MRTFB: variants seen among roughly 807,000 people sequenced by gnomAD.
The protein encoded by MRTFB is myocardin-related transcription factor B.
In MRTFB, 29 loss-of-function variants were observed where a neutral mutation model predicts 104.2. That is an observed-to-expected ratio of 0.28 (90% confidence interval 0.21 to 0.38). The LOEUF is 0.38. MRTFB is among the 10% of genes least tolerant of loss of function. MRTFB has a pLI of 1.00. For missense variants in MRTFB, 1,270 were observed against 1,341.6 expected, an observed-to-expected ratio of 0.95 and a Z score of 0.83; for synonymous variants, 535 against 519.5, an observed-to-expected ratio of 1.03 and a Z score of -0.41.
intron 3 of MRTFB, among the ~76,000 whole-genome samples, chr16:14,174,195 T>G (rs2039509395): frequency 6.6e-6 from 1 of 152,170 alleles, no homozygotes. Context: ...TATTTTGGCC[T>G]TATATATCCT....
At chr16:14,127,913 ATATATATATATATATATTTTTTTTTTTTT>A (rs199523637) in intron 2 of MRTFB, among the ~76,000 whole-genome samples, 977 of 45,530 alleles carry the variant, frequency 0.021, 25 homozygotes, top group East Asian at 0.12. Context: ...ATATATATAT[ATATATATATATATATATTTTTTTTTTTTT>A]TTTTTTTTTC....
chr16:14,216,132 C>T (rs1218076492), intron 6 of MRTFB, among the ~76,000 whole-genome samples: 2 of 152,220 alleles, frequency 1.3e-5, no homozygotes, highest in Non-Finnish European at 2.9e-5. Context: ...TACAGCTCAG[C>T]TGGTGGATAG....
chr16:14,096,492 G>T (rs1193949572), intron 2 of MRTFB, among the ~76,000 whole-genome samples: 2 of 152,174 alleles, frequency 1.3e-5, no homozygotes, highest in Non-Finnish European at 2.9e-5. Context: ...GAGTTCATTG[G>T]ATTCTTTTAG....
At chr16:14,154,229 C>T (rs570478828) in intron 3 of MRTFB, among the ~76,000 whole-genome samples, 6 of 152,158 alleles carry the variant, frequency 3.9e-5, no homozygotes, top group East Asian at 1.9e-4. Flanking sequence ...CTGCTACTTG[C>T]GGGGCTGAGG....
the MRTFB span, among the ~76,000 whole-genome samples, chr16:13,997,854 G>A: frequency 6.7e-6 from 1 of 150,114 alleles, no homozygotes; most frequent in Non-Finnish European, 1.5e-5. Flanking sequence ...GAGTACCTAC[G>A]TTGTGCTAGA....
At chr16:14,154,193 A>G (rs1483289868) in intron 3 of MRTFB, among the ~76,000 whole-genome samples, 2 of 152,086 alleles carry the variant, frequency 1.3e-5, no homozygotes, top group Admixed American at 1.3e-4. Context: ...AAATTAGCCA[A>G]GCATGATGAC....
At chr16:14,018,294 A>T in the MRTFB span, among the ~76,000 whole-genome samples, 1 of 152,160 alleles carries the variant, frequency 6.6e-6, no homozygotes, top group Non-Finnish European at 1.5e-5. Context: ...CCCAATTAGA[A>T]AAAAGGGAAT....
At chr16:14,018,556 A>G in the MRTFB span, among the ~76,000 whole-genome samples, 3 of 152,214 alleles carry the variant, frequency 2.0e-5, no homozygotes, top group Non-Finnish European at 4.4e-5. Flanking sequence ...TGTAGAAATT[A>G]GGAGTTCACA....
chr16:14,192,106 C>CA (rs914815151), intron 3 of MRTFB, among the ~76,000 whole-genome samples: 1 of 151,778 alleles, frequency 6.6e-6, no homozygotes, highest in Non-Finnish European at 1.5e-5. Context: ...CACGGTGGCT[C>CA]ACACCTATAA....
chr16:14,252,550 C>T lies in MRTFB; in HGVS notation c.2703+48C>T, dbSNP rs571124983. Reference sequence around the variant, plus strand: ...TGCATAAGGCTATGGTGGATGTGCCCACGTTCAGTCTCGAGCAGACCTATA... The same window carrying T: ...TGCATAAGGCTATGGTGGATGTGCCTACGTTCAGTCTCGAGCAGACCTATA... On this transcript the variant is annotated intron_variant, in intron 15 of 16. Transcript: ENST00000571589. 150 of 1,607,710 alleles carry T rather than the reference C, an allele frequency of 9.3e-5. 2 individuals carry two copies. The South Asian group carries it at 1.6e-3, about 17-fold the overall frequency.
intron 3 of MRTFB, among the ~76,000 whole-genome samples, chr16:14,189,168 G>A (rs1320656879): frequency 1.3e-5 from 2 of 152,078 alleles, no homozygotes; most frequent in Non-Finnish European, 2.9e-5. Flanking sequence ...GATTAGATCT[G>A]GATTTAATTA....
At chr16:14,063,436 G>A in the MRTFB span, among the ~76,000 whole-genome samples, 1 of 152,202 alleles carries the variant, frequency 6.6e-6, no homozygotes, top group Non-Finnish European at 1.5e-5. Context: ...TTTGGTGTAT[G>A]TATTATGTCG....
intron 2 of MRTFB, among the ~76,000 whole-genome samples, chr16:14,088,920 A>AGCAAATT (rs2034885050): frequency 6.6e-6 from 1 of 152,224 alleles, no homozygotes; most frequent in Non-Finnish European, 1.5e-5. Flanking sequence ...TGTACCTGCC[A>AGCAAATT]GCAAATTGCA....
chr16:13,995,732 C>T, the MRTFB span, among the ~76,000 whole-genome samples: 2 of 152,216 alleles, frequency 1.3e-5, no homozygotes, highest in East Asian at 3.9e-4. Flanking sequence ...CACATCATCC[C>T]TGGCTGGAGA....
the MRTFB span, among the ~76,000 whole-genome samples, chr16:14,059,428 G>C: frequency 2.0e-5 from 3 of 152,084 alleles, no homozygotes; most frequent in Admixed American, 6.6e-5. Flanking sequence ...CTTTGGTTTT[G>C]CTGAGCTGAG....
chr16:14,196,352 C>CT (rs1227548660), intron 3 of MRTFB, among the ~76,000 whole-genome samples: 3 of 152,152 alleles, frequency 2.0e-5, no homozygotes, highest in African/African-American at 7.2e-5. Flanking sequence ...TTAGTTTTTA[C>CT]TTTAATTTTG....
chr16:14,036,263 T>G, the MRTFB span, among the ~76,000 whole-genome samples: 6 of 122,742 alleles, frequency 4.9e-5, no homozygotes. Flanking sequence ...ATATATTATA[T>G]ATATATAAGA....
chr16:13,999,165 G>T, the MRTFB span, among the ~76,000 whole-genome samples: 2 of 150,984 alleles, frequency 1.3e-5, no homozygotes, highest in South Asian at 4.2e-4. Context: ...ACTCTAGCCT[G>T]GGAGATAAGA....
the MRTFB span, among the ~76,000 whole-genome samples, chr16:14,038,766 A>C: frequency 3.3e-5 from 5 of 152,226 alleles, no homozygotes; most frequent in African/African-American, 4.8e-5. Context: ...TGGTTGTATT[A>C]GTCAGTTCTA....
Sources: allele counts gnomAD v4.1 joint callset (sites outside exome capture counted in the v4.1 genomes callset), GRCh38; gene constraint gnomAD v4.1.1; transcripts MANE v1.5; gene names NCBI Gene and HGNC (gene_info 2026-07-23, HGNC 2026-07-21).